FUT8: variants seen among roughly 807,000 people sequenced by gnomAD.
FUT8 encodes the protein alpha-(1,6)-fucosyltransferase.
FUT8 carries 29 observed loss-of-function variants against 71.3 expected under a neutral mutation model. The ratio of observed to expected loss-of-function variants is 0.41; its 90% CI spans 0.30 to 0.55. FUT8 has a LOEUF of 0.55. Ranked by LOEUF, FUT8 falls within the 20% of genes least tolerant of loss-of-function variation. FUT8 has a pLI of 0.34. For missense variants in FUT8, 544 were observed against 702.1 expected (o/e 0.77, Z 2.55); for synonymous variants, 254 against 239.3 (o/e 1.06, Z -0.57).
chr14:65,644,297 A>AT (rs1173052027), intron 6 of FUT8, among the ~76,000 whole-genome samples: 2 of 145,052 alleles, frequency 1.4e-5, no homozygotes, highest in Non-Finnish European at 3.0e-5. Context: ...ATATATATAT[A>AT]TTTTTTTTTT....
intron 2 of FUT8, among the ~76,000 whole-genome samples, chr14:65,546,752 T>G (rs1377005451): frequency 6.6e-6 from 1 of 151,772 alleles, no homozygotes; most frequent in Non-Finnish European, 1.5e-5. Context: ...TGTTTATTTT[T>G]CTTTTTCCAT....
chr14:65,728,353 T>C (rs1190794430), intron 9 of FUT8, among the ~76,000 whole-genome samples: 1 of 152,202 alleles, frequency 6.6e-6, no homozygotes, highest in East Asian at 1.9e-4. Context: ...TGGGGTGGCC[T>C]CACAATCATG....
upstream of FUT8, chr14:65,410,904 A>G (rs12881600): frequency 6.6e-6 from 1 of 151,878 alleles, no homozygotes; most frequent in Non-Finnish European, 1.5e-5. Flanking sequence ...TGCTTCTTCT[A>G]TCTTAAAAAA....
intron 3 of FUT8, among the ~76,000 whole-genome samples, chr14:65,588,163 A>G (rs985886051): frequency 1.3e-5 from 2 of 151,526 alleles, no homozygotes; most frequent in Non-Finnish European, 2.9e-5. Flanking sequence ...TTCCACCTTA[A>G]CCTCCCTTTT....
intron 2 of FUT8, among the ~76,000 whole-genome samples, chr14:65,551,285 T>G (rs1307216087): frequency 2.0e-5 from 3 of 152,198 alleles, no homozygotes; most frequent in African/African-American, 4.8e-5. Flanking sequence ...TTCATTTTCT[T>G]GTTAGACTTA....
intron 3 of FUT8, among the ~76,000 whole-genome samples, chr14:65,579,918 A>G (rs1340465027): frequency 6.6e-6 from 1 of 152,084 alleles, no homozygotes. Context: ...AGGATCTATT[A>G]GTTCTTAAAC....
Position 65,724,247 on chromosome 14 carries a change from C to T in FUT8, c.1183C>T (p.Arg395Cys), listed in dbSNP as rs142736261. 71 of 1,613,200 alleles carry T rather than the reference C, an allele frequency of 4.4e-5. No homozygotes were observed. In the Middle Eastern group the frequency reaches 1.5e-3, roughly 34 times the overall value. The stretch of plus-strand genomic sequence containing the variant: ...TGAAGAACATTTTCAGCTTCTTGCA[C>T]GCAGAATGCAAGTGGACAAAAAAAG... ...HVEEHFQLLA[R>C]RMQVDKKRVY... is the part of the protein sequence containing the mutation. Residue 395 changes from arginine to cysteine, a missense_variant, in exon 9 of 11, where the codon CGC (arginine) becomes TGC (cysteine). By Grantham distance (180) the Arg-to-Cys change is radical (BLOSUM62 -3). Coordinates refer to ENST00000673929, the MANE Select transcript of FUT8 (RefSeq NM_001371533.1).
chr14:65,726,601 G>A (rs1895698936), intron 9 of FUT8, among the ~76,000 whole-genome samples: 2 of 152,128 alleles, frequency 1.3e-5, no homozygotes, highest in African/African-American at 2.4e-5. Context: ...CCTTCCACTG[G>A]GTCCCTCCCA....
the FUT8 span, among the ~76,000 whole-genome samples, chr14:65,358,442 T>G: frequency 6.6e-6 from 1 of 152,184 alleles, no homozygotes; most frequent in Non-Finnish European, 1.5e-5. Flanking sequence ...AGTAACACCT[T>G]TAAATACATC....
the FUT8 span, among the ~76,000 whole-genome samples, chr14:65,383,360 C>T: frequency 2.0e-5 from 3 of 150,132 alleles, no homozygotes; most frequent in Non-Finnish European, 1.5e-5. Flanking sequence ...CCGCAATCGC[C>T]GCCTCCGAGG....
intron 5 of FUT8, 136 bp downstream of exon 5, chr14:65,616,509 TG>T: frequency 1.4e-6 from 1 of 691,042 alleles, no homozygotes; most frequent in Non-Finnish European, 2.2e-6. Context: ...GAAGAGTACC[TG>T]AGGTCCCAAA....
Position 65,627,230 on chromosome 14 carries a change from A to G in FUT8, c.483-2262A>G, listed in dbSNP as rs1889942402. Among the ~76,000 whole-genome samples the G allele has an allele frequency of 6.6e-6, 1 of 152,156 alleles. No individual in the cohort carries two copies. Among genetic ancestry groups the G allele is most frequent in the Non-Finnish European group, 1.5e-5 (1 of 68,022 alleles). On this transcript the variant is annotated intron_variant, in intron 5 of 10. Transcript: ENST00000673929. The surrounding 1 kb of genome is among the most constrained non-coding windows in gnomAD (Gnocchi z 4.0). ...GTAATATTGTATATTGGAAAATGATAACTGCTTAGAAAAAAAAAATAAGCA... is the reference window on the plus strand; with the variant it reads ...GTAATATTGTATATTGGAAAATGATGACTGCTTAGAAAAAAAAAATAAGCA...
At chr14:65,713,157 G>A (rs959206704) in intron 7 of FUT8, among the ~76,000 whole-genome samples, 3 of 152,176 alleles carry the variant, frequency 2.0e-5, no homozygotes, top group Admixed American at 1.3e-4. Flanking sequence ...AACATGCCAA[G>A]TTTGTCTTTC....
At chr14:65,559,355 T>C (rs941717496) in intron 2 of FUT8, among the ~76,000 whole-genome samples, 1 of 152,124 alleles carries the variant, frequency 6.6e-6, no homozygotes, top group Non-Finnish European at 1.5e-5. Context: ...ACCCCCAAAA[T>C]TGACTATCTA....
intron 7 of FUT8, among the ~76,000 whole-genome samples, chr14:65,693,270 C>T (rs911496119): frequency 7.9e-5 from 12 of 152,246 alleles, no homozygotes; most frequent in East Asian, 5.8e-4. Flanking sequence ...CTCGGGAGGC[C>T]GAGGCTGGCG....
At chr14:65,438,430 A>G (rs537064351) in intron 1 of FUT8, among the ~76,000 whole-genome samples, 201 of 152,298 alleles carry the variant, frequency 1.3e-3, no homozygotes, top group Non-Finnish European at 2.1e-3. Context: ...TGTCAGTAGA[A>G]GTATTTGGTA....
intron 3 of FUT8, among the ~76,000 whole-genome samples, chr14:65,599,346 G>C (rs1043630115): frequency 6.6e-6 from 1 of 152,164 alleles, no homozygotes; most frequent in African/African-American, 2.4e-5. Flanking sequence ...TCTAACAGTG[G>C]TTCACCTCTT....
At chr14:65,505,399 T>A (rs892031242) in intron 2 of FUT8, among the ~76,000 whole-genome samples, 2 of 139,630 alleles carry the variant, frequency 1.4e-5, no homozygotes, top group Admixed American at 7.6e-5. Flanking sequence ...TGCAAGCTCC[T>A]CCTCCCAGGT....
intron 2 of FUT8, among the ~76,000 whole-genome samples, chr14:65,543,028 C>T (rs144068281): frequency 0.062 from 9,507 of 152,114 alleles, 532 homozygotes; most frequent in East Asian, 0.19. Context: ...GTGATCTGCC[C>T]GCCTCGACCT....
Sources: allele counts gnomAD v4.1 joint callset (sites outside exome capture counted in the v4.1 genomes callset), GRCh38; gene constraint gnomAD v4.1.1; non-coding constraint Gnocchi (gnomAD v3.1); transcripts MANE v1.5; gene names NCBI Gene and HGNC (gene_info 2026-07-23, HGNC 2026-07-21).